NXPH1: variants seen among roughly 807,000 people sequenced by gnomAD.
NXPH1 encodes neurexophilin-1.
Under a neutral mutation model 23.7 loss-of-function variants are expected in NXPH1, and 5 were observed. The observed-to-expected ratio is 0.21, with a 90% CI of 0.11 to 0.44. The LOEUF is 0.44. Among genes scored for constraint, NXPH1 ranks in the 20% least tolerant of loss-of-function variants. The pLI is 0.99. For synonymous variants in NXPH1, 144 were observed against 122.2 expected, an observed-to-expected ratio of 1.18 and a Z score of -1.18; for missense variants, 324 against 321.6, an observed-to-expected ratio of 1.01 and a Z score of -0.06.
intron 2 of NXPH1, among the ~76,000 whole-genome samples, chr7:8,651,062 G>C (rs1012630975): frequency 2.5e-4 from 38 of 149,976 alleles, no homozygotes; most frequent in Non-Finnish European, 5.0e-4. Context: ...ATGCTGGTGC[G>C]CTGCACCCAC....
chr7:8,468,102 A>C (rs1332723479), intron 2 of NXPH1, among the ~76,000 whole-genome samples: 1 of 152,138 alleles, frequency 6.6e-6, no homozygotes, highest in Non-Finnish European at 1.5e-5. Context: ...GCCATGTTTT[A>C]ATATACTTTC....
chr7:8,744,098 C>T (rs780135713), intron 2 of NXPH1, among the ~76,000 whole-genome samples: 21 of 152,162 alleles, frequency 1.4e-4, no homozygotes, highest in Non-Finnish European at 2.9e-4. Flanking sequence ...TAGATCTAAG[C>T]TTGGTCTTTG....
chr7:8,728,550 G>A (rs557450745), intron 2 of NXPH1, among the ~76,000 whole-genome samples: 12 of 152,156 alleles, frequency 7.9e-5, no homozygotes, highest in African/African-American at 2.6e-4. Context: ...TAGCATGAAG[G>A]GTTGTTGAAT....
At chr7:8,532,468 T>TGGGGGGG (rs761410034) in intron 2 of NXPH1, among the ~76,000 whole-genome samples, 1 of 20,842 alleles carries the variant, frequency 4.8e-5, no homozygotes, top group African/African-American at 1.1e-4. Context: ...ATATTTTTTT[T>TGGGGGGG]GGGGGGGGGG....
chr7:8,583,054 A>AC (rs1818911743), intron 2 of NXPH1, among the ~76,000 whole-genome samples: 1 of 152,022 alleles, frequency 6.6e-6, no homozygotes, highest in Admixed American at 6.5e-5. Context: ...CTGAGTGTGC[A>AC]TACACTTGGC....
At chr7:8,616,911 G>T (rs758100891) in intron 2 of NXPH1, among the ~76,000 whole-genome samples, 1 of 151,876 alleles carries the variant, frequency 6.6e-6, no homozygotes, top group Admixed American at 6.6e-5. Flanking sequence ...GGGGAGGACA[G>T]TGTGAATGTG....
At chr7:8,746,079 G>C (rs79763798) in intron 2 of NXPH1, among the ~76,000 whole-genome samples, 1,794 of 152,214 alleles carry the variant, frequency 0.012, 10 homozygotes, top group Non-Finnish European at 0.019. Context: ...TGAACTTCTC[G>C]AGAGCCAGGA....
rs138768115 is a variant in NXPH1, at chr7:8,555,448, A to G, written c.54+119681A>G. 4.5e-3 allele frequency among the ~76,000 whole-genome samples: 689 copies of G among 151,816 alleles called. 4 individuals carry two copies. The highest frequency in any genetic ancestry group is 0.016 in the African/African-American group (657 of 41,518). ...ACAAAAGAGATGACACAGACTGCTG[A>G]GTAAAACACAGCAAGCCAGTTTGTA... On this transcript the variant is annotated intron_variant, in intron 2 of 2. Coordinates refer to ENST00000405863, the MANE Select transcript of NXPH1 (RefSeq NM_152745.3).
chr7:8,615,110 G>A (rs1449928258), intron 2 of NXPH1, among the ~76,000 whole-genome samples: 1 of 151,928 alleles, frequency 6.6e-6, no homozygotes, highest in Non-Finnish European at 1.5e-5. Context: ...GACGCTGATT[G>A]GAATTGTTTC....
chr7:8,643,387 C>T (rs757937461), intron 2 of NXPH1, among the ~76,000 whole-genome samples: 40 of 152,060 alleles, frequency 2.6e-4, no homozygotes, highest in Non-Finnish European at 1.2e-4. Flanking sequence ...TGAATTGTTG[C>T]TAATACTTTA....
At chr7:8,519,338 A>G (rs1297647179) in intron 2 of NXPH1, among the ~76,000 whole-genome samples, 1 of 152,228 alleles carries the variant, frequency 6.6e-6, no homozygotes, top group Admixed American at 6.5e-5. Context: ...GACAGTCCCT[A>G]AAAGAACTGA....
intron 2 of NXPH1, among the ~76,000 whole-genome samples, chr7:8,553,072 C>G (rs1206374292): frequency 6.6e-6 from 1 of 151,460 alleles, no homozygotes; most frequent in Non-Finnish European, 1.5e-5. Flanking sequence ...TTTTATAAAA[C>G]TTGACTAGAG....
intron 2 of NXPH1, among the ~76,000 whole-genome samples, chr7:8,626,866 A>G (rs1212425857): frequency 2.0e-5 from 3 of 152,002 alleles, no homozygotes; most frequent in African/African-American, 7.2e-5. Flanking sequence ...CACTCTGCCT[A>G]CTTACCTTCT....
chr7:8,647,860 T>C (rs557698558), intron 2 of NXPH1, among the ~76,000 whole-genome samples: 1 of 152,134 alleles, frequency 6.6e-6, no homozygotes, highest in South Asian at 2.1e-4. Context: ...TTATCCTAAT[T>C]TATCCTTGAC....
intron 2 of NXPH1, among the ~76,000 whole-genome samples, chr7:8,534,406 A>C (rs1249076514): frequency 1.3e-5 from 2 of 152,174 alleles, no homozygotes; most frequent in Non-Finnish European, 2.9e-5. Flanking sequence ...TTGGGTATAA[A>C]GAAATTGTAG....
intron 2 of NXPH1, among the ~76,000 whole-genome samples, chr7:8,697,766 A>T (rs1779557835): frequency 6.6e-6 from 1 of 152,186 alleles, no homozygotes; most frequent in South Asian, 2.1e-4. Flanking sequence ...AGTCTCAGGC[A>T]AACATGTTCC....
intron 2 of NXPH1, among the ~76,000 whole-genome samples, chr7:8,439,357 C>G (rs1165050703): frequency 6.6e-6 from 1 of 152,184 alleles, no homozygotes; most frequent in Non-Finnish European, 1.5e-5. Flanking sequence ...GCATCTCCCA[C>G]AGGGTGTGGC....
chr7:8,544,338 G>A (rs1005549907), intron 2 of NXPH1, among the ~76,000 whole-genome samples: 8 of 151,536 alleles, frequency 5.3e-5, no homozygotes, highest in African/African-American at 1.9e-4. Flanking sequence ...ATTGCCAGGA[G>A]CACCCTCCTA....
At chr7:8,738,011 G>C (rs575435790) in intron 2 of NXPH1, among the ~76,000 whole-genome samples, 1 of 152,228 alleles carries the variant, frequency 6.6e-6, no homozygotes, top group East Asian at 1.9e-4. Flanking sequence ...CTCTAAATTG[G>C]TTAATCTAGT....
Sources: allele counts gnomAD v4.1 joint callset (sites outside exome capture counted in the v4.1 genomes callset), GRCh38; gene constraint gnomAD v4.1.1; transcripts MANE v1.5; gene names NCBI Gene and HGNC (gene_info 2026-07-23, HGNC 2026-07-21).